Variants in CEP152 observed in about 807,000 individuals in gnomAD.
CEP152 encodes centrosomal protein of 152 kDa.
A neutral mutation model predicts 188.9 loss-of-function variants in CEP152; 132 were observed. The ratio of observed to expected loss-of-function variants is 0.70; its 90% CI spans 0.61 to 0.81. CEP152 has a LOEUF of 0.81. Ranked by LOEUF, CEP152 falls within the 30% of genes least tolerant of loss-of-function variation. CEP152 has a pLI of 0.00. For synonymous variants in CEP152, 649 were observed against 666.6 expected, an observed-to-expected ratio of 0.97 and a Z score of 0.41; for missense variants, 1,914 against 1,969.8, an observed-to-expected ratio of 0.97 and a Z score of 0.54.
intron 14 of CEP152, 142 bp downstream of exon 14, chr15:48,768,814 G>A (rs1895312209): frequency 1.6e-6 from 1 of 624,386 alleles, no homozygotes; most frequent in Non-Finnish European, 2.7e-6. Context: ...GCAAAGGGAA[G>A]TAACTGGAAC....
At chr15:48,752,282 T>C in intron 21 of CEP152, 67 bp downstream of exon 21, 1 of 1,613,320 alleles carries the variant, frequency 6.2e-7, no homozygotes, top group Non-Finnish European at 8.5e-7. Flanking sequence ...CCTTTTATCC[T>C]CAAAGCAACC....
At chr15:48,734,660 G>C (rs575678034), downstream of CEP152, among the ~76,000 whole-genome samples, 1 of 150,340 alleles carries the variant, frequency 6.7e-6, no homozygotes, top group East Asian at 1.9e-4. Flanking sequence ...GATACAAATA[G>C]GTTAAAAGGA....
At chr15:48,759,548 G>C (rs893027126) in intron 19 of CEP152, among the ~76,000 whole-genome samples, 5 of 152,136 alleles carry the variant, frequency 3.3e-5, no homozygotes, top group Admixed American at 3.3e-4. Context: ...GTTAGGGCTT[G>C]ACTATAATTT....
intron 2 of CEP152, among the ~76,000 whole-genome samples, chr15:48,801,172 A>T (rs1449802557): frequency 6.6e-6 from 1 of 152,242 alleles, no homozygotes; most frequent in African/African-American, 2.4e-5. Flanking sequence ...TTCTAAAAAG[A>T]TTCTGATATT....
rs145083779 is a variant in CEP152, at chr15:48,782,721, AT to A, written c.1322-492del. On this transcript the variant is annotated intron_variant, in intron 10 of 26. Coordinates refer to ENST00000380950, the MANE Select transcript of CEP152 (RefSeq NM_001194998.2). ...AATTCTGAAACTTTAGAAACCTAAT[AT>A]TTTAAATGTACTGGGCAAGGTGGTG... is the stretch of plus-strand genomic sequence containing the variant. Among the ~76,000 whole-genome samples, 122 of 152,346 alleles carry A rather than the reference AT, an allele frequency of 8.0e-4. 1 individual carries two copies. In the East Asian group the frequency reaches 0.023, roughly 28 times the overall value.
Position 48,767,571 on chromosome 15 carries a change from T to C in CEP152, c.2019-108A>G, listed in dbSNP as rs143263908. On this transcript the variant is annotated intron_variant, in intron 15 of 26. Coordinates refer to ENST00000380950, the MANE Select transcript of CEP152 (RefSeq NM_001194998.2). The stretch of plus-strand genomic sequence containing the variant: ...CTCTTCCCTCTAATGCAAATTATAA[T>C]TGAGGTCAGATAACTTTTCCCCAAC... 984 of 1,462,914 alleles carry C rather than the reference T, an allele frequency of 6.7e-4. 2 individuals are homozygous for C. The African/African-American group carries it at 0.012, about 18-fold the overall frequency. The allele number at this position is 1,462,914 out of a possible 1,614,324, so 90.6% of individuals were successfully genotyped here.
Position 48,741,769 on chromosome 15 carries a change from T to C in CEP152, c.3990-65A>G, listed in dbSNP as rs1391094074. 4.3e-6 allele frequency: 7 copies of C among 1,611,480 alleles called. No individual in the cohort carries two copies. The Admixed American group carries it at 5.0e-5, about 12-fold the overall frequency. ...GAAAAAATGAGTTGCCTTAGCCCCATGGTTTCTGTTTTCCTATTGGCTCTG... is the reference window on the plus strand; with the variant it reads ...GAAAAAATGAGTTGCCTTAGCCCCACGGTTTCTGTTTTCCTATTGGCTCTG... On this transcript the variant is annotated intron_variant, in intron 25 of 26. Coordinates refer to ENST00000380950, the MANE Select transcript of CEP152 (RefSeq NM_001194998.2).
chr15:48,755,263 T>C (rs1487707974), intron 20 of CEP152, among the ~76,000 whole-genome samples: 1 of 152,202 alleles, frequency 6.6e-6, no homozygotes, highest in Non-Finnish European at 1.5e-5. Flanking sequence ...CAGAGTTTTA[T>C]GCGAGTGAGT....
At chr15:48,780,282 C>T (rs1057309352) in intron 12 of CEP152, among the ~76,000 whole-genome samples, 2 of 152,134 alleles carry the variant, frequency 1.3e-5, no homozygotes, top group Non-Finnish European at 2.9e-5. Context: ...TAAATGGAGC[C>T]TTACTAAACT....
chr15:48,776,082 A>T (rs1266997526), intron 12 of CEP152, among the ~76,000 whole-genome samples: 1 of 151,992 alleles, frequency 6.6e-6, no homozygotes, highest in Non-Finnish European at 1.5e-5. Flanking sequence ...ATAAGATAGT[A>T]GTTAGCCTCA....
chr15:48,764,616 T>A (rs1355332351), intron 17 of CEP152, among the ~76,000 whole-genome samples: 2 of 152,236 alleles, frequency 1.3e-5, no homozygotes, highest in African/African-American at 4.8e-5. Context: ...TGCAAATTCA[T>A]AGGCTTCACT....
At chr15:48,807,508 T>C (rs1421952401) in intron 1 of CEP152, among the ~76,000 whole-genome samples, 4 of 150,890 alleles carry the variant, frequency 2.7e-5, no homozygotes, top group African/African-American at 7.3e-5. Context: ...TGAGCCGAGA[T>C]TGCGCCACTG....
intron 6 of CEP152, 145 bp from the exon 7 acceptor site, chr15:48,793,606 G>C: frequency 1.4e-6 from 1 of 736,246 alleles, no homozygotes; most frequent in Admixed American, 2.6e-5. Flanking sequence ...GATTAAAAAA[G>C]AGAGAGAGAA....
At chr15:48,730,068 C>G (rs2140521991) in intron 2 of CEP152, among the ~76,000 whole-genome samples, 1 of 151,822 alleles carries the variant, frequency 6.6e-6, no homozygotes, top group Non-Finnish European at 1.5e-5. Flanking sequence ...CAAAAATCAA[C>G]CAAAGGGAAA....
intron 7 of CEP152, among the ~76,000 whole-genome samples, 175 bp downstream of exon 7, chr15:48,793,145 GA>G (rs1358913715): frequency 6.6e-6 from 1 of 152,138 alleles, no homozygotes; most frequent in Admixed American, 6.5e-5. Context: ...GTTCCAAAGA[GA>G]AGTAATCCAA....
intron 2 of CEP152, chr15:48,729,882 G>A (rs1042368216): frequency 6.6e-6 from 1 of 151,562 alleles, no homozygotes; most frequent in Non-Finnish European, 1.5e-5. Flanking sequence ...AAAAGTTGGG[G>A]AAAATAAAGA....
At chr15:48,808,119 AAT>A (rs986046401) in intron 1 of CEP152, among the ~76,000 whole-genome samples, 1 of 152,048 alleles carries the variant, frequency 6.6e-6, no homozygotes, top group East Asian at 1.9e-4. Context: ...TGTGGTTAAA[AAT>A]ATATATAGTA....
intron 20 of CEP152, among the ~76,000 whole-genome samples, chr15:48,752,980 G>GTA (rs983041633): frequency 1.3e-5 from 2 of 152,172 alleles, no homozygotes; most frequent in Non-Finnish European, 2.9e-5. Flanking sequence ...CAGTAATTTT[G>GTA]TAAGGAAGGC....
chr15:48,787,163 G>GTTTTTTGT (rs71120640), intron 9 of CEP152, among the ~76,000 whole-genome samples: 10,242 of 101,486 alleles, frequency 0.1, 1,056 homozygotes, highest in South Asian at 0.13. Flanking sequence ...TATAGCCTTC[G>GTTTTTTGT]TTTTTTTTTT....
Sources: allele counts gnomAD v4.1 joint callset (sites outside exome capture counted in the v4.1 genomes callset), GRCh38; gene constraint gnomAD v4.1.1; transcripts MANE v1.5; gene names NCBI Gene and HGNC (gene_info 2026-07-23, HGNC 2026-07-21).